Variants in ADAMTS16 observed in about 807,000 individuals in gnomAD.
ADAMTS16 encodes ADAM metallopeptidase with thrombospondin type 1 motif 16.
In ADAMTS16, 94 loss-of-function variants were observed where a neutral mutation model predicts 145.8. The observed-to-expected ratio is 0.64, with a 90% CI of 0.55 to 0.77. The LOEUF (loss-of-function observed/expected upper bound fraction) is 0.77. Ranked by LOEUF, ADAMTS16 falls within the 30% of genes least tolerant of loss-of-function variation. The pLI is 0.00. For synonymous variants in ADAMTS16, 659 were observed against 604.3 expected (o/e 1.09, Z -1.33); for missense variants, 1,585 against 1,591.5 (o/e 1.00, Z 0.07).
At chr5:5,218,183 C>A (rs1235638765) in intron 10 of ADAMTS16, among the ~76,000 whole-genome samples, 3 of 152,186 alleles carry the variant, frequency 2.0e-5, no homozygotes, top group African/African-American at 7.2e-5. Flanking sequence ...TTGGACAGGA[C>A]AATTGGTTTT....
At position 5,140,687 on chromosome 5, in the gene ADAMTS16, C is replaced by T; in HGVS notation, c.96C>T (p.Pro32=). ...AEQAPACAMG[P]AAAAPGSPSV... is the part of the protein sequence containing the mutation. ...AGGCACCTGCGTGCGCCATGGGACC[C>T]GCAGCGGCAGCGCCTGGGAGCCCGA... Residue 32 remains proline (P), a synonymous_variant, in exon 2 of 23, where the codon CCC becomes CCT. Coordinates refer to ENST00000274181, the MANE Select transcript of ADAMTS16 (RefSeq NM_139056.4). 3 of 1,561,194 alleles carry T rather than the reference C, an allele frequency of 1.9e-6. No homozygotes were observed. Among genetic ancestry groups the T allele is most frequent in the Admixed American group, 1.9e-5 (1 of 52,988 alleles).
chr5:5,226,605 G>A (rs1398248585), intron 11 of ADAMTS16, among the ~76,000 whole-genome samples: 2 of 152,126 alleles, frequency 1.3e-5, no homozygotes, highest in African/African-American at 4.8e-5. Flanking sequence ...TGGTTTGCAT[G>A]TACCCCTGAG....
At chr5:5,152,593 G>T (rs915211039) in intron 3 of ADAMTS16, among the ~76,000 whole-genome samples, 1 of 152,214 alleles carries the variant, frequency 6.6e-6, no homozygotes, top group Admixed American at 6.5e-5. Context: ...TTGGCTGGGG[G>T]TAAGGAAATA....
At chr5:5,263,721 A>G (rs1229544460) in intron 18 of ADAMTS16, among the ~76,000 whole-genome samples, 1 of 152,142 alleles carries the variant, frequency 6.6e-6, no homozygotes, top group Admixed American at 6.5e-5. Flanking sequence ...TTAATGTGCT[A>G]ATTAGCTCTT....
chr5:5,145,406 C>T (rs1734266929), intron 2 of ADAMTS16, among the ~76,000 whole-genome samples: 2 of 152,168 alleles, frequency 1.3e-5, no homozygotes, highest in Non-Finnish European at 2.9e-5. Context: ...GGGGCTGCTG[C>T]GTATCTCTGT....
chr5:5,242,906 T>C (rs998990816), intron 17 of ADAMTS16, among the ~76,000 whole-genome samples: 10 of 152,230 alleles, frequency 6.6e-5, no homozygotes, highest in Non-Finnish European at 1.5e-4. Context: ...CTATCTGATA[T>C]GTATAAAATA....
At chr5:5,199,901 G>T (rs1184300415) in intron 8 of ADAMTS16, among the ~76,000 whole-genome samples, 1 of 152,186 alleles carries the variant, frequency 6.6e-6, no homozygotes, top group African/African-American at 2.4e-5. Context: ...ACATTTCTAT[G>T]ATATTGGTGT....
intron 18 of ADAMTS16, among the ~76,000 whole-genome samples, chr5:5,285,939 T>C (rs62338253): frequency 0.12 from 17,696 of 152,320 alleles, 1,168 homozygotes; most frequent in Non-Finnish European, 0.15. Flanking sequence ...TTCCTGAGTT[T>C]GTGAATGCTA....
At chr5:5,286,558 A>C (rs4260632) in intron 18 of ADAMTS16, among the ~76,000 whole-genome samples, 131,021 of 152,156 alleles carry the variant, frequency 0.86, 56,880 homozygotes, top group Non-Finnish European at 0.91. Context: ...ATATTATTTA[A>C]ATATTTTAAA....
intron 10 of ADAMTS16, among the ~76,000 whole-genome samples, chr5:5,215,488 C>T (rs1256740438): frequency 6.6e-6 from 1 of 151,940 alleles, no homozygotes; most frequent in Non-Finnish European, 1.5e-5. Flanking sequence ...TATCCCTCGG[C>T]CCCCTCCCTC....
At chr5:5,258,614 C>T (rs76058553) in intron 17 of ADAMTS16, among the ~76,000 whole-genome samples, 3 of 152,200 alleles carry the variant, frequency 2.0e-5, no homozygotes, top group South Asian at 4.1e-4. Context: ...AACCTGCTGG[C>T]GAAGCCCACA....
chr5:5,305,457 A>C (rs1303900060), intron 20 of ADAMTS16, among the ~76,000 whole-genome samples: 1 of 58,070 alleles, frequency 1.7e-5, no homozygotes, highest in African/African-American at 7.4e-5. Context: ...CATCCACACC[A>C]CACACACACA....
chr5:5,182,212 A>G lies in ADAMTS16; in HGVS notation c.670A>G (p.Arg224Gly). The G allele has an allele frequency of 6.2e-7, 1 of 1,614,176 alleles. No individual in the cohort carries two copies. Among genetic ancestry groups the G allele is most frequent in the African/African-American group, 1.3e-5 (1 of 75,056 alleles). ...GGCCAGTGAGGTCCTGGTGACCTCA[A>G]GGACATGGGAGCTGGCACATCAACC... ...PGASEVLVTS[R>G]TWELAHQPLH... Residue 224 changes from arginine to glycine, a missense_variant, in exon 4 of 23, where the codon AGG becomes GGG. By Grantham distance (125) the Arg-to-Gly change is moderately radical (BLOSUM62 -2). This residue lies in a region of ADAMTS16 where 453 missense variants were observed against 412.1 expected (regional missense o/e 1.10). Coordinates refer to ENST00000274181, the MANE Select transcript of ADAMTS16 (RefSeq NM_139056.4).
chr5:5,300,049 G>A (rs1297719311), intron 18 of ADAMTS16, among the ~76,000 whole-genome samples: 6 of 152,174 alleles, frequency 3.9e-5, no homozygotes, highest in African/African-American at 1.4e-4. Flanking sequence ...CTGTTTGAAT[G>A]GAGTGCAGCT....
At chr5:5,250,072 A>G (rs1027093708) in intron 17 of ADAMTS16, among the ~76,000 whole-genome samples, 1 of 152,108 alleles carries the variant, frequency 6.6e-6, no homozygotes, top group Non-Finnish European at 1.5e-5. Context: ...GTGTCCACTG[A>G]GTCTGAGGTT....
intron 3 of ADAMTS16, among the ~76,000 whole-genome samples, chr5:5,150,946 A>G (rs974218958): frequency 6.6e-6 from 1 of 152,176 alleles, no homozygotes; most frequent in Admixed American, 6.5e-5. Flanking sequence ...TCCATTATGC[A>G]TATGTTGATA....
intron 17 of ADAMTS16, among the ~76,000 whole-genome samples, chr5:5,261,033 T>A (rs1258998743): frequency 6.6e-6 from 1 of 152,236 alleles, no homozygotes; most frequent in African/African-American, 2.4e-5. Flanking sequence ...TCCACAGGAC[T>A]TCTTCATCGG....
At chr5:5,214,070 C>T (rs1736351661) in intron 10 of ADAMTS16, among the ~76,000 whole-genome samples, 1 of 152,248 alleles carries the variant, frequency 6.6e-6, no homozygotes, top group South Asian at 2.1e-4. Context: ...CTGCAAAGTG[C>T]TCCCAGGCAG....
intron 3 of ADAMTS16, among the ~76,000 whole-genome samples, chr5:5,160,525 G>T (rs550422897): frequency 6.6e-6 from 1 of 152,204 alleles, no homozygotes; most frequent in Admixed American, 6.5e-5. Flanking sequence ...TTATAAAAAT[G>T]TAGAAGAATT....
Sources: allele counts gnomAD v4.1 joint callset (sites outside exome capture counted in the v4.1 genomes callset), GRCh38; gene constraint gnomAD v4.1.1; regional missense constraint gnomAD v4.1.1; transcripts MANE v1.5; gene names NCBI Gene and HGNC (gene_info 2026-07-23, HGNC 2026-07-21).